The following UBE2E3 variants were observed in gnomAD, a reference collection of about 807,000 sequenced individuals.
UBE2E3 encodes the protein ubiquitin conjugating enzyme E2 E3.
UBE2E3 carries 5 observed loss-of-function variants against 23.6 expected under a neutral mutation model. The observed-to-expected ratio is 0.21, with a 90% CI of 0.11 to 0.44. UBE2E3 has a LOEUF of 0.44. Ranked by LOEUF, UBE2E3 falls within the 20% of genes least tolerant of loss-of-function variation. The probability of loss-of-function intolerance (pLI) is 0.99; values close to 1 mark genes in which losing one functional copy is unlikely to be tolerated. For synonymous variants in UBE2E3, 78 were observed against 87.5 expected (o/e 0.89, Z 0.60); for missense variants, 81 against 249.8 (o/e 0.32, Z 4.55).
intron 3 of UBE2E3, among the ~76,000 whole-genome samples, chr2:181,008,671 G>A (rs906264079): frequency 6.6e-6 from 1 of 152,162 alleles, no homozygotes; most frequent in African/African-American, 2.4e-5. Context: ...AGTGGTGAGA[G>A]GAGGATGGAG....
intron 3 of UBE2E3, among the ~76,000 whole-genome samples, chr2:181,016,914 G>T (rs914767479): frequency 6.6e-6 from 1 of 152,208 alleles, no homozygotes; most frequent in Non-Finnish European, 1.5e-5. Flanking sequence ...AGGGCCCAGA[G>T]AGAGGGAACC....
intron 3 of UBE2E3, among the ~76,000 whole-genome samples, chr2:181,034,486 T>A (rs748518128): frequency 7.2e-5 from 11 of 151,942 alleles, no homozygotes; most frequent in East Asian, 1.9e-4. Context: ...ATGAGAACAC[T>A]TGGACACAGG....
rs111766603 is a variant in UBE2E3, at chr2:180,982,280, T to C, written c.194+44T>C. The C allele has an allele frequency of 8.4e-4, 1,317 of 1,566,820 alleles. 7 individuals are homozygous for C. In the African/African-American group the frequency reaches 0.013, roughly 15 times the overall value. ...ATCCAGCACACTTTGTCAGGTTGTC[T>C]TCCAGGTGGTTGGACGCTTTTGTTG... On this transcript the variant is annotated intron_variant, in intron 2 of 5. Coordinates refer to ENST00000410062, the MANE Select transcript of UBE2E3 (RefSeq NM_006357.4).
At chr2:181,027,797 A>G (rs1685943984) in intron 3 of UBE2E3, among the ~76,000 whole-genome samples, 1 of 151,982 alleles carries the variant, frequency 6.6e-6, no homozygotes, top group Non-Finnish European at 1.5e-5. Flanking sequence ...CCATAACTCT[A>G]CTTTCCTAGT....
At chr2:181,013,243 A>G (rs1030934790) in intron 3 of UBE2E3, among the ~76,000 whole-genome samples, 7 of 152,136 alleles carry the variant, frequency 4.6e-5, no homozygotes, top group African/African-American at 7.2e-5. Flanking sequence ...ATTACCCCAC[A>G]ATTTAGTGGC....
At chr2:181,010,536 A>G (rs567243875) in intron 3 of UBE2E3, among the ~76,000 whole-genome samples, 3 of 152,316 alleles carry the variant, frequency 2.0e-5, no homozygotes, top group South Asian at 2.1e-4. Context: ...GATTCTGCCT[A>G]TCCTCCTGAA....
intron 3 of UBE2E3, chr2:180,987,425 C>G: frequency 6.5e-7 from 1 of 1,548,590 alleles, no homozygotes; most frequent in Non-Finnish European, 8.7e-7. Context: ...CCCCTAATTT[C>G]TTTCCATATA....
intron 3 of UBE2E3, among the ~76,000 whole-genome samples, chr2:181,043,531 A>G (rs901600938): frequency 5.9e-5 from 9 of 152,204 alleles, no homozygotes; most frequent in Non-Finnish European, 1.2e-4. Flanking sequence ...ATGTATATGC[A>G]AATCTTCCAA....
At chr2:180,989,786 C>A in intron 3 of UBE2E3, 1 of 1,308,148 alleles carries the variant, frequency 7.6e-7, no homozygotes, top group Non-Finnish European at 1.0e-6. Flanking sequence ...GCTACATGCT[C>A]ACATAACCAG....
intron 5 of UBE2E3, 146 bp from the exon 6 acceptor site, chr2:181,062,645 T>C (rs548299153): frequency 1.5e-4 from 60 of 404,792 alleles, no homozygotes; most frequent in African/African-American, 1.2e-3. Flanking sequence ...ATGATCATGT[T>C]ACTTTAAACT....
At chr2:180,997,889 T>C (rs1460600023) in intron 3 of UBE2E3, among the ~76,000 whole-genome samples, 2 of 152,180 alleles carry the variant, frequency 1.3e-5, no homozygotes, top group Non-Finnish European at 1.5e-5. Context: ...CCTGCACATA[T>C]CTCTTTTGAG....
At chr2:181,032,697 A>G (rs904860270) in intron 3 of UBE2E3, among the ~76,000 whole-genome samples, 1 of 152,202 alleles carries the variant, frequency 6.6e-6, no homozygotes, top group Non-Finnish European at 1.5e-5. Context: ...AGTTGCAAAA[A>G]TGTAATTATT....
At chr2:181,033,546 CTT>C (rs1306543788) in intron 3 of UBE2E3, among the ~76,000 whole-genome samples, 5 of 152,184 alleles carry the variant, frequency 3.3e-5, no homozygotes, top group African/African-American at 1.2e-4. Flanking sequence ...GGATTAAAGA[CTT>C]AAATATTAGA....
At chr2:181,006,584 G>A (rs574809128) in intron 3 of UBE2E3, among the ~76,000 whole-genome samples, 9 of 152,004 alleles carry the variant, frequency 5.9e-5, no homozygotes, top group Admixed American at 1.3e-4. Flanking sequence ...AATATTTCTC[G>A]TTTAGCTGAA....
At chr2:181,029,962 G>A (rs116682786) in intron 3 of UBE2E3, among the ~76,000 whole-genome samples, 4,223 of 150,084 alleles carry the variant, frequency 0.028, 97 homozygotes, top group African/African-American at 0.055. Context: ...TCAGCCTCCC[G>A]AGCTGGGACT....
chr2:181,062,610 C>G (rs1036140696), intron 5 of UBE2E3, among the ~76,000 whole-genome samples, 181 bp from the exon 6 acceptor site: 1 of 150,412 alleles, frequency 6.6e-6, no homozygotes, highest in African/African-American at 2.4e-5. Context: ...GGGGACTTTC[C>G]TAACTGGAAT....
chr2:181,046,873 A>G (rs1686686933), intron 3 of UBE2E3, among the ~76,000 whole-genome samples: 1 of 152,154 alleles, frequency 6.6e-6, no homozygotes, highest in Admixed American at 6.6e-5. Flanking sequence ...CCATAGCCCC[A>G]GTTTTGACTT....
At chr2:180,995,259 A>G (rs1342107185) in intron 3 of UBE2E3, among the ~76,000 whole-genome samples, 1 of 152,174 alleles carries the variant, frequency 6.6e-6, no homozygotes, top group Admixed American at 6.5e-5. Flanking sequence ...GAGAAAAGTC[A>G]TGACTTTACA....
intron 3 of UBE2E3, among the ~76,000 whole-genome samples, chr2:181,055,230 G>A (rs879425519): frequency 6.6e-6 from 1 of 151,712 alleles, no homozygotes; most frequent in Non-Finnish European, 1.5e-5. Context: ...AACTCGAAGG[G>A]AGAGAGAAAT....
Sources: allele counts gnomAD v4.1 joint callset (sites outside exome capture counted in the v4.1 genomes callset), GRCh38; gene constraint gnomAD v4.1.1; transcripts MANE v1.5; gene names NCBI Gene and HGNC (gene_info 2026-07-23, HGNC 2026-07-21).